The following SPON1 variants were observed in gnomAD, a reference collection of about 807,000 sequenced individuals.
SPON1 encodes the protein spondin 1, also known as spondin-1.
In SPON1, 52 loss-of-function variants were observed where a neutral mutation model predicts 111.7. The observed-to-expected ratio is 0.47, with a 90% CI of 0.37 to 0.59. The LOEUF (loss-of-function observed/expected upper bound fraction) is 0.59, where lower values mean the gene tolerates loss of function less well. Ranked by LOEUF, SPON1 falls within the 20% of genes least tolerant of loss-of-function variation. SPON1 has a pLI of 0.00. For synonymous variants in SPON1, 410 were observed against 395.8 expected, an observed-to-expected ratio of 1.04 and a Z score of -0.43; for missense variants, 957 against 1,068.5, an observed-to-expected ratio of 0.90 and a Z score of 1.46.
chr11:14,049,783 C>A (rs1251207267), intron 3 of SPON1, among the ~76,000 whole-genome samples: 1 of 152,182 alleles, frequency 6.6e-6, no homozygotes, highest in Non-Finnish European at 1.5e-5. Context: ...AGGGCCAAAA[C>A]CTGCCCTAAA....
At chr11:14,008,254 T>C (rs1848378689) in intron 2 of SPON1, among the ~76,000 whole-genome samples, 1 of 151,758 alleles carries the variant, frequency 6.6e-6, no homozygotes, top group Non-Finnish European at 1.5e-5. Context: ...ATGGGAGGAG[T>C]AGCTGTGGAT....
chr11:14,063,502 C>T (rs561696413), intron 3 of SPON1, among the ~76,000 whole-genome samples: 1 of 152,166 alleles, frequency 6.6e-6, no homozygotes, highest in South Asian at 2.1e-4. Context: ...GATTAGGAAA[C>T]AGGACAGATC....
At chr11:14,187,502 C>A (rs569831686) in intron 6 of SPON1, among the ~76,000 whole-genome samples, 2 of 152,272 alleles carry the variant, frequency 1.3e-5, no homozygotes, top group East Asian at 1.9e-4. Flanking sequence ...GGAACTTAGA[C>A]CCTGCCTCAT....
At chr11:14,248,354 G>A (rs1489225338) in intron 7 of SPON1, among the ~76,000 whole-genome samples, 2 of 152,076 alleles carry the variant, frequency 1.3e-5, no homozygotes, top group Admixed American at 6.6e-5. Flanking sequence ...GGATGAAAGA[G>A]TCAAAGGAGC....
rs369776923 is a variant in SPON1 at position 14,135,575 on chromosome 11, C to T, written c.825+7C>T. 1.7e-5 allele frequency: 28 copies of T among 1,609,776 alleles called. No homozygotes were observed. The highest frequency in any genetic ancestry group is 1.5e-4 in the African/African-American group (11 of 74,654). On this transcript the variant is annotated splice_region_variant and intron_variant, in intron 6 of 15. Coordinates refer to ENST00000576479, the MANE Select transcript of SPON1 (RefSeq NM_006108.4). This position sits in a 1 kb window ranked among gnomAD's most constrained non-coding sequence, Gnocchi z 4.4. Reference sequence around the variant, plus strand: ...GGAAGAAATTCGACAACAGGTAAGACAAAAAAATCACAGAATGACCAAATA... The same window carrying T: ...GGAAGAAATTCGACAACAGGTAAGATAAAAAAATCACAGAATGACCAAATA...
chr11:14,001,525 G>A (rs1554912445), intron 2 of SPON1, among the ~76,000 whole-genome samples: 1 of 152,038 alleles, frequency 6.6e-6, no homozygotes, highest in East Asian at 1.9e-4. Context: ...CTCATATAAA[G>A]GAAGTAAAAA....
chr11:14,075,487 C>G, intron 4 of SPON1, 69 bp downstream of exon 4: 1 of 1,184,792 alleles, frequency 8.4e-7, no homozygotes, highest in African/African-American at 1.5e-5. Flanking sequence ...CACGATCCTC[C>G]TGCTGCAAGA....
chr11:14,105,006 GTTTTC>G (rs1174744649), intron 5 of SPON1, among the ~76,000 whole-genome samples: 35 of 152,072 alleles, frequency 2.3e-4, no homozygotes, highest in African/African-American at 8.2e-4. Context: ...CTTGCAGAAT[GTTTTC>G]TTTTCCTTTT....
chr11:14,252,030 T>C (rs1287457959), intron 7 of SPON1, among the ~76,000 whole-genome samples: 1 of 152,226 alleles, frequency 6.6e-6, no homozygotes, highest in Non-Finnish European at 1.5e-5. Context: ...TATGTATTGC[T>C]AGATGAAGAT....
chr11:14,069,536 C>G (rs1554920674), intron 3 of SPON1, among the ~76,000 whole-genome samples: 1 of 152,072 alleles, frequency 6.6e-6, no homozygotes, highest in Non-Finnish European at 1.5e-5. Context: ...CATGGCTCCT[C>G]CATTATCATG....
intron 5 of SPON1, among the ~76,000 whole-genome samples, chr11:14,083,004 G>A (rs1848976116): frequency 6.6e-6 from 1 of 151,980 alleles, no homozygotes; most frequent in Non-Finnish European, 1.5e-5. Flanking sequence ...CAACATAAGT[G>A]GTTTATATGG....
intron 5 of SPON1, among the ~76,000 whole-genome samples, chr11:14,116,922 T>C (rs1319688650): frequency 6.6e-6 from 1 of 152,216 alleles, no homozygotes; most frequent in Admixed American, 6.5e-5. Flanking sequence ...AGAAGTCTTG[T>C]TCACTTTTTC....
chr11:14,119,753 TAG>T (rs1564909326), intron 5 of SPON1, among the ~76,000 whole-genome samples: 4 of 152,128 alleles, frequency 2.6e-5, no homozygotes, highest in Admixed American at 2.0e-4. Context: ...CCGTCGTCAG[TAG>T]AGTCTTTCCT....
intron 6 of SPON1, among the ~76,000 whole-genome samples, chr11:14,238,750 C>A (rs1848892792): frequency 6.6e-6 from 1 of 152,164 alleles, no homozygotes; most frequent in South Asian, 2.1e-4. Context: ...ACAAGTACAG[C>A]TGTTGTATCC....
At chr11:14,221,473 T>G (rs1848679817) in intron 6 of SPON1, among the ~76,000 whole-genome samples, 1 of 152,176 alleles carries the variant, frequency 6.6e-6, no homozygotes, top group African/African-American at 2.4e-5. Flanking sequence ...ACACCTGGAA[T>G]TTGGACTTAG....
At chr11:14,168,234 G>T (rs1481866231) in intron 6 of SPON1, among the ~76,000 whole-genome samples, 1 of 152,150 alleles carries the variant, frequency 6.6e-6, no homozygotes, top group Non-Finnish European at 1.5e-5. Context: ...AAAGCATTTA[G>T]CAAATCTGAT....
chr11:14,011,404 G>T (rs1466216850), intron 2 of SPON1, among the ~76,000 whole-genome samples: 5 of 151,764 alleles, frequency 3.3e-5, no homozygotes, highest in Non-Finnish European at 4.4e-5. Context: ...TCAGAAAAAT[G>T]CACTCACACA....
At chr11:13,966,447 G>T (rs1007403731) in intron 1 of SPON1, among the ~76,000 whole-genome samples, 1 of 152,124 alleles carries the variant, frequency 6.6e-6, no homozygotes, top group Non-Finnish European at 1.5e-5. Flanking sequence ...AATAAAAGAG[G>T]CTCTTTTGTC....
At chr11:14,093,744 A>G (rs1443496875) in intron 5 of SPON1, among the ~76,000 whole-genome samples, 4 of 152,218 alleles carry the variant, frequency 2.6e-5, no homozygotes, top group African/African-American at 9.6e-5. Context: ...GTTTCTTCAT[A>G]TATTCATCTA....
Sources: gnomAD v4.1 joint callset for allele counts (sites outside exome capture counted in the v4.1 genomes callset) on GRCh38, gnomAD v4.1.1 for gene constraint, Gnocchi (gnomAD v3.1) non-coding constraint, MANE v1.5 for transcripts, NCBI Gene and HGNC (gene_info 2026-07-23, HGNC 2026-07-21) for gene names.